The following TRAPPC3L variants were observed in gnomAD, a reference collection of about 807,000 sequenced individuals.
TRAPPC3L encodes the protein trafficking protein particle complex subunit 3-like protein.
TRAPPC3L carries 23 observed loss-of-function variants against 23.7 expected under a neutral mutation model. That is an observed-to-expected ratio of 0.97 (90% CI 0.70 to 1.37). The LOEUF is 1.37. TRAPPC3L is among the 40% of genes most tolerant of loss of function. The pLI, the probability that TRAPPC3L is intolerant of heterozygous loss-of-function variation, is 0.00. For missense variants in TRAPPC3L, 212 were observed against 216.8 expected (o/e 0.98, Z 0.14); for synonymous variants, 81 against 77.9 (o/e 1.04, Z -0.21).
At chr6:116,522,333 T>A (rs1210445900) in intron 3 of TRAPPC3L, 3 of 152,232 alleles carry the variant, frequency 2.0e-5, no homozygotes. Context: ...TAAATAAATG[T>A]TTGTGGCTTT....
At chr6:116,505,831 C>A (rs1372755187) in intron 3 of TRAPPC3L, among the ~76,000 whole-genome samples, 1 of 152,176 alleles carries the variant, frequency 6.6e-6, no homozygotes, top group Non-Finnish European at 1.5e-5. Flanking sequence ...AAAGCTGAAA[C>A]TGGATCCCTT....
chr6:116,528,235 C>A (rs1772507542), intron 3 of TRAPPC3L, among the ~76,000 whole-genome samples: 1 of 152,190 alleles, frequency 6.6e-6, no homozygotes, highest in South Asian at 2.1e-4. Context: ...AGGTGCTTTG[C>A]CTTCATGTTG....
At chr6:116,515,314 T>G (rs1475871432) in intron 3 of TRAPPC3L, among the ~76,000 whole-genome samples, 1 of 152,210 alleles carries the variant, frequency 6.6e-6, no homozygotes, top group Non-Finnish European at 1.5e-5. Flanking sequence ...AAGTCTTATG[T>G]AATCTATACT....
intron 3 of TRAPPC3L, chr6:116,516,189 AG>A: frequency 1.7e-6 from 1 of 598,476 alleles, no homozygotes; most frequent in East Asian, 3.2e-5. Context: ...GGGGTGACAA[AG>A]GTGCTCTTGC....
Position 116,543,414 on chromosome 6 carries a change from G to A in TRAPPC3L, c.43-14C>T, listed in dbSNP as rs1326001345. ...GAGATCTTTATTCTGGAGAAAAAGG[G>A]GTAGTTTCTGGTTATAGGCAAGTTA... is the stretch of plus-strand genomic sequence containing the variant. On this transcript the variant is annotated splice_polypyrimidine_tract_variant and intron_variant, in intron 1 of 4. Transcript: ENST00000368602. 6.5e-7 allele frequency: 1 copy of A among 1,535,720 alleles called. No homozygotes were observed. Among genetic ancestry groups the A allele is most frequent in the African/African-American group, 1.4e-5 (1 of 72,550 alleles).
intron 3 of TRAPPC3L, among the ~76,000 whole-genome samples, chr6:116,502,498 G>A (rs7454283): frequency 0.39 from 59,929 of 151,982 alleles, 12,947 homozygotes; most frequent in East Asian, 0.56. Flanking sequence ...AGGCAGGTCA[G>A]CATTCAAATT....
chr6:116,523,740 T>C (rs1243340850), intron 3 of TRAPPC3L: 1 of 152,142 alleles, frequency 6.6e-6, no homozygotes, highest in Non-Finnish European at 1.5e-5. Flanking sequence ...CCTAATCAAG[T>C]ATTTAGACAT....
intron 3 of TRAPPC3L, among the ~76,000 whole-genome samples, chr6:116,514,677 A>G (rs949181847): frequency 1.3e-5 from 2 of 152,104 alleles, no homozygotes; most frequent in African/African-American, 4.8e-5. Flanking sequence ...AGAGGTTGAG[A>G]CCCTTCACAA....
chr6:116,535,775 A>G (rs1328063008), intron 3 of TRAPPC3L, among the ~76,000 whole-genome samples: 1 of 152,258 alleles, frequency 6.6e-6, no homozygotes, highest in African/African-American at 2.4e-5. Flanking sequence ...CAGTTACCAT[A>G]GTAGAAAAAT....
At chr6:116,535,810 A>C (rs1419033409) in intron 3 of TRAPPC3L, among the ~76,000 whole-genome samples, 1 of 152,238 alleles carries the variant, frequency 6.6e-6, no homozygotes, top group African/African-American at 2.4e-5. Context: ...ATTTTAAACA[A>C]TTAGTTTGTG....
intron 3 of TRAPPC3L, chr6:116,523,087 G>C (rs1772375226): frequency 6.6e-6 from 1 of 151,914 alleles, no homozygotes; most frequent in African/African-American, 2.4e-5. Flanking sequence ...TGATGCTGCT[G>C]GTCTAGGGAC....
Position 116,545,646 on chromosome 6 carries a change from T to A in TRAPPC3L, c.-132A>T. 1.5e-6 allele frequency: 1 copy of A among 653,088 alleles called. No homozygotes were observed. The highest frequency in any genetic ancestry group is 2.5e-6 in the Non-Finnish European group (1 of 401,902). The allele number at this position is 653,088 out of a possible 1,614,324, so 40.5% of individuals were successfully genotyped here. On this transcript the variant is annotated 5_prime_UTR_variant, in exon 1 of 5. Coordinates refer to ENST00000368602, the MANE Select transcript of TRAPPC3L (RefSeq NM_001139444.3). ...CGCTTTGAGACAGGAGTGCTGCTTC[T>A]GCACTCTGCTGCTTTTGCTCTTTGC...
chr6:116,513,400 T>A (rs931918964), intron 3 of TRAPPC3L, among the ~76,000 whole-genome samples: 11 of 151,004 alleles, frequency 7.3e-5, no homozygotes, highest in African/African-American at 2.7e-4. Flanking sequence ...AAGAAGGGTA[T>A]AACTTACAAC....
chr6:116,527,378 T>G (rs988699200), intron 3 of TRAPPC3L, among the ~76,000 whole-genome samples: 5 of 151,892 alleles, frequency 3.3e-5, no homozygotes, highest in African/African-American at 1.2e-4. Context: ...TTAGCCAGGC[T>G]TGGTGGCGGG....
At chr6:116,538,096 T>G (rs189442476) in intron 3 of TRAPPC3L, among the ~76,000 whole-genome samples, 1 of 152,350 alleles carries the variant, frequency 6.6e-6, no homozygotes, top group African/African-American at 2.4e-5. Context: ...TTACCATTTT[T>G]ATTTTCTACT....
chr6:116,510,916 A>T (rs1346881631), intron 3 of TRAPPC3L, among the ~76,000 whole-genome samples: 1 of 151,926 alleles, frequency 6.6e-6, no homozygotes, highest in Non-Finnish European at 1.5e-5. Context: ...CGGAAATAGA[A>T]AACCAAAAAC....
intron 3 of TRAPPC3L, among the ~76,000 whole-genome samples, chr6:116,504,469 A>G (rs1338561003): frequency 6.6e-6 from 1 of 152,256 alleles, no homozygotes; most frequent in African/African-American, 2.4e-5. Flanking sequence ...AGAAGCTGGT[A>G]TTATTCCTTC....
At chr6:116,541,821 T>C (rs1288766388) in intron 2 of TRAPPC3L, among the ~76,000 whole-genome samples, 1 of 152,180 alleles carries the variant, frequency 6.6e-6, no homozygotes, top group Non-Finnish European at 1.5e-5. Flanking sequence ...CTGTGCTATA[T>C]CTACACATAT....
At chr6:116,527,058 A>C (rs1772450308) in intron 3 of TRAPPC3L, among the ~76,000 whole-genome samples, 3 of 152,170 alleles carry the variant, frequency 2.0e-5, no homozygotes, top group Admixed American at 6.5e-5. Flanking sequence ...CAACACTCTT[A>C]ACATCAAGGA....
Sources: allele counts gnomAD v4.1 joint callset (sites outside exome capture counted in the v4.1 genomes callset), GRCh38; gene constraint gnomAD v4.1.1; transcripts MANE v1.5; gene names NCBI Gene and HGNC (gene_info 2026-07-23, HGNC 2026-07-21).